Variants in TUBGCP5 observed in about 807,000 individuals in gnomAD.
TUBGCP5 encodes the protein tubulin gamma complex component 5.
A neutral mutation model predicts 134.7 loss-of-function variants in TUBGCP5; 98 were observed. The observed-to-expected ratio is 0.73, with a 90% CI of 0.62 to 0.86. The LOEUF is 0.86. TUBGCP5 is among the 40% of genes least tolerant of loss of function. TUBGCP5 has a pLI of 0.00. For synonymous variants in TUBGCP5, 456 were observed against 431.4 expected (o/e 1.06, Z -0.71); for missense variants, 1,150 against 1,244.8 (o/e 0.92, Z 1.15).
intron 11 of TUBGCP5, among the ~76,000 whole-genome samples, chr15:23,021,438 T>G (rs1476893896): frequency 6.6e-6 from 1 of 152,188 alleles, no homozygotes; most frequent in Non-Finnish European, 1.5e-5. Flanking sequence ...TGCCTCGGCC[T>G]CCCAAAGTGT....
At position 23,017,772 on chromosome 15, in the gene TUBGCP5, C is replaced by G. The variant is rs1251353258; in HGVS notation, c.1756+1G>C. On this transcript the variant is annotated splice_donor_variant, in intron 13 of 22. Transcript: ENST00000615383. LOFTEE classifies it high-confidence loss of function. ...GAGACACAGGAAGACGGAACAAGTA[C>G]CTCTGGCTCCTGCCTGGCAGGTGGT... 2 of 1,612,550 alleles carry G rather than the reference C, an allele frequency of 1.2e-6. No individual in the cohort carries two copies. The highest frequency in any genetic ancestry group is 1.7e-6 in the Non-Finnish European group (2 of 1,179,088).
In TUBGCP5 at chr15:23,001,147, A is replaced by G. The variant is rs554901376; in HGVS notation, c.2928-478T>C. The stretch of plus-strand genomic sequence containing the variant: ...AACCTCCGCCTCCTGGGTTCAAGTG[A>G]TTCTCCTGCCTCAGCCTCCTGAGTA... On this transcript the variant is annotated intron_variant, in intron 21 of 22. Transcript: ENST00000615383. Among the ~76,000 whole-genome samples, 1,392 of 152,066 alleles carry G rather than the reference A, an allele frequency of 9.2e-3. 12 individuals are homozygous for G. Among genetic ancestry groups the G allele is most frequent in the Non-Finnish European group, 0.013 (900 of 67,998 alleles).
chr15:23,017,879 G>A lies in TUBGCP5; in HGVS notation c.1650C>T (p.Ser550=), dbSNP rs368976254. Residue 550 remains serine, a synonymous_variant, in exon 13 of 23, where the codon TCC becomes TCT. Coordinates refer to ENST00000615383, the MANE Select transcript of TUBGCP5 (RefSeq NM_052903.6). ...TCTGCTTCAGGACAGGTTTGAGGAA[G>A]GACACCATGGTGTGCTGCCTGCTGG... The part of the protein sequence containing the change: ...GPSSRQHTMV[S]FLKPVLKQII... The A allele has an allele frequency of 6.2e-7, 1 of 1,614,010 alleles. No homozygotes were observed. The highest frequency in any genetic ancestry group is 1.7e-5 in the Admixed American group (1 of 59,998).
chr15:23,031,376 G>A (rs1227340261), intron 5 of TUBGCP5, among the ~76,000 whole-genome samples: 2 of 151,682 alleles, frequency 1.3e-5, no homozygotes, highest in East Asian at 1.9e-4. Context: ...GAGTGCAATA[G>A]CACGATCTCA....
intron 6 of TUBGCP5, among the ~76,000 whole-genome samples, chr15:23,030,255 G>A (rs1595899373): frequency 1.3e-5 from 2 of 152,204 alleles, no homozygotes; most frequent in South Asian, 2.1e-4. Context: ...GTAGCTGAAA[G>A]GAAACTTGCC....
chr15:23,036,649 A>G (rs574564502), intron 3 of TUBGCP5, among the ~76,000 whole-genome samples: 43 of 152,328 alleles, frequency 2.8e-4, no homozygotes, highest in African/African-American at 1.0e-3. Context: ...TACTATTTGT[A>G]TCAATCTCTG....
intron 4 of TUBGCP5, 38 bp downstream of exon 4, chr15:23,032,690 C>G: frequency 2.9e-6 from 4 of 1,393,778 alleles, no homozygotes; most frequent in Non-Finnish European, 2.9e-6. Context: ...AACAATTTCT[C>G]TTTTACTTCT....
At chr15:23,017,269 G>T (rs2065390002) in intron 13 of TUBGCP5, among the ~76,000 whole-genome samples, 1 of 151,960 alleles carries the variant, frequency 6.6e-6, no homozygotes, top group African/African-American at 2.4e-5. Flanking sequence ...ACTATGGGAT[G>T]ACTATAGTTA....
intron 21 of TUBGCP5, among the ~76,000 whole-genome samples, chr15:23,000,926 A>G (rs537879704): frequency 6.6e-6 from 1 of 152,340 alleles, no homozygotes; most frequent in Admixed American, 6.5e-5. Context: ...TAGGAGGACC[A>G]AAGATACTCC....
rs763768397 is a variant in TUBGCP5 at position 23,037,170 on chromosome 15, C to T, written c.147-18G>A. On this transcript the variant is annotated intron_variant, in intron 1 of 22. Transcript: ENST00000615383. ...GATGAAATCTATTAAAGACAAAATG[C>T]AATTCTTATGCCAACTCTGTCACAC... 6.8e-6 allele frequency: 11 copies of T among 1,610,798 alleles called. No individual in the cohort carries two copies. The Admixed American group carries it at 8.4e-5, about 12-fold the overall frequency.
chr15:22,994,282 G>T (rs2063969559), downstream of TUBGCP5, among the ~76,000 whole-genome samples: 2 of 151,856 alleles, frequency 1.3e-5, no homozygotes, highest in South Asian at 4.2e-4. Flanking sequence ...TAGAGACGGG[G>T]TTTCACCATA....
intron 10 of TUBGCP5, chr15:23,023,136 A>G (rs1285425886): frequency 6.6e-6 from 1 of 152,166 alleles, no homozygotes; most frequent in Admixed American, 6.6e-5. Context: ...TTGGGAGGCC[A>G]AGGTGGTCAA....
At chr15:22,993,527 T>C (rs1057173490) in intron 23 of TUBGCP5, among the ~76,000 whole-genome samples, 2 of 68,818 alleles carry the variant, frequency 2.9e-5, no homozygotes, top group Non-Finnish European at 2.6e-5. Context: ...CCCCCGAAGT[T>C]TTTTTTTTTT....
intron 10 of TUBGCP5, chr15:23,023,651 T>C: frequency 3.4e-6 from 1 of 297,326 alleles, no homozygotes; most frequent in Non-Finnish European, 6.3e-6. Context: ...AAACTCTTTC[T>C]GGAAGGATGC....
In TUBGCP5 at chr15:23,015,659, T is replaced by C. The variant is rs76222527; in HGVS notation, c.1756+2114A>G. ...TGTCTCAAAAAAGAAAGTGCTGGGA[T>C]TATAGGCGTGAGCCACCACGCCCAG... On this transcript the variant is annotated intron_variant, in intron 13 of 22. Transcript: ENST00000615383. Among the ~76,000 whole-genome samples, 947 of 152,146 alleles carry C rather than the reference T, an allele frequency of 6.2e-3. 11 individuals carry two copies. The highest frequency in any genetic ancestry group is 0.021 in the African/African-American group (878 of 41,528).
chr15:23,004,045 C>G, intron 20 of TUBGCP5, 57 bp downstream of exon 20: 1 of 1,537,100 alleles, frequency 6.5e-7, no homozygotes. Flanking sequence ...TTCCAAAGCA[C>G]GCAGACAGCG....
Position 23,010,086 on chromosome 15 carries a change from T to A in TUBGCP5, c.2003A>T (p.Asp668Val), listed in dbSNP as rs1555436702. The A allele has an allele frequency of 6.2e-7, 1 of 1,614,062 alleles. No homozygotes were observed. The highest frequency in any genetic ancestry group is 1.7e-5 in the Admixed American group (1 of 59,988). ...SDFHEKFAGG[D>V]VCVDRSSESV... ...TTCCGATGATCTATCCACACATACATCACCACCAGCAAACTTCTCGTGAAA... is the reference window on the plus strand; with the variant it reads ...TTCCGATGATCTATCCACACATACAACACCACCAGCAAACTTCTCGTGAAA... The change falls in exon 15 of 23, where the codon GAT (aspartate) becomes GTT (valine). Residue 668 changes from aspartate to valine, a missense_variant. By Grantham distance (152) the Asp-to-Val change is radical. Transcript: ENST00000615383.
At chr15:22,985,227 GTTTT>G (rs201034743) in intron 23 of TUBGCP5, among the ~76,000 whole-genome samples, 27,644 of 151,134 alleles carry the variant, frequency 0.18, 2,552 homozygotes, top group Non-Finnish European at 0.2. Flanking sequence ...TTTCTTTTTT[GTTTT>G]TTTTGAGATG....
chr15:23,021,478 G>C (rs2065691421), intron 11 of TUBGCP5, among the ~76,000 whole-genome samples: 1 of 152,122 alleles, frequency 6.6e-6, no homozygotes, highest in South Asian at 2.1e-4. Flanking sequence ...CACTGTGCCT[G>C]ACCCTCAGCA....
Sources: allele counts gnomAD v4.1 joint callset (sites outside exome capture counted in the v4.1 genomes callset), GRCh38; gene constraint gnomAD v4.1.1; transcripts MANE v1.5; gene names NCBI Gene and HGNC (gene_info 2026-07-23, HGNC 2026-07-21).